SERPINB11: variants seen among roughly 807,000 people sequenced by gnomAD.
SERPINB11 encodes the protein serpin family B member 11, also known as serpin B11.
Under a neutral mutation model 36.7 loss-of-function variants are expected in SERPINB11, and 32 were observed. That is an observed-to-expected ratio of 0.87 (90% CI 0.66 to 1.17). SERPINB11 has a LOEUF of 1.17. Ranked by LOEUF, SERPINB11 falls within the 50% of genes most tolerant of loss-of-function variation. The pLI, the probability that SERPINB11 is intolerant of heterozygous loss-of-function variation, is 0.00. For synonymous variants in SERPINB11, 174 were observed against 168.1 expected (o/e 1.04, Z -0.27); for missense variants, 528 against 458.4 (o/e 1.15, Z -1.39).
At chr18:63,707,744 C>T (rs1914409025) in intron 1 of SERPINB11, among the ~76,000 whole-genome samples, 1 of 152,176 alleles carries the variant, frequency 6.6e-6, no homozygotes, top group African/African-American at 2.4e-5. Context: ...TCATTTCTTC[C>T]TTCTGCAAAC....
At chr18:63,707,616 T>C (rs554922166) in intron 1 of SERPINB11, among the ~76,000 whole-genome samples, 31 of 152,226 alleles carry the variant, frequency 2.0e-4, no homozygotes, top group Non-Finnish European at 3.7e-4. Context: ...AGCAGGGATA[T>C]TATCTCCTCC....
chr18:63,722,986 G>T lies in SERPINB11; in HGVS notation c.775-9G>T, dbSNP rs765161203. On this transcript the variant is annotated splice_polypyrimidine_tract_variant and intron_variant, in intron 7 of 7. Coordinates refer to ENST00000544088, the MANE Select transcript of SERPINB11 (RefSeq NM_001370475.1). ...ACTCATGTGGGCTTGTCTGTGTTTTGTCTCTTAGATAGAAAAGCAGCTGAA... is the reference window on the plus strand; with the variant it reads ...ACTCATGTGGGCTTGTCTGTGTTTTTTCTCTTAGATAGAAAAGCAGCTGAA... 7.1e-5 allele frequency: 110 copies of T among 1,550,806 alleles called. No individual in the cohort carries two copies. Among genetic ancestry groups the T allele is most frequent in the Middle Eastern group, 3.5e-4 (2 of 5,776 alleles).
At chr18:63,722,906 C>G (rs1170356774) in intron 7 of SERPINB11, 89 bp from the exon 8 acceptor site, 2 of 1,339,760 alleles carry the variant, frequency 1.5e-6, no homozygotes, top group Non-Finnish European at 2.0e-6. Flanking sequence ...AGTTGAACCA[C>G]TCACACTGAG....
chr18:63,714,708 C>T (rs1433523704), intron 4 of SERPINB11, among the ~76,000 whole-genome samples: 3 of 152,156 alleles, frequency 2.0e-5, no homozygotes, highest in African/African-American at 7.2e-5. Context: ...CCCTAGTTCC[C>T]TGAACATCGC....
At position 63,710,334 on chromosome 18, in the gene SERPINB11, G is replaced by C; in HGVS notation, c.141G>C (p.Arg47Ser). The change falls in exon 2 of 8, where the codon AGG (arginine) becomes AGC (serine). Residue 47 changes from arginine to serine, a missense_variant. Coordinates refer to ENST00000544088, the MANE Select transcript of SERPINB11 (RefSeq NM_001370475.1). The stretch of plus-strand genomic sequence containing the variant: ...TAAGCATGGTCCTCCTTGGTGCCAG[G>C]GGAGAGACTGAAGAGCAATTGGAGA... ...YALSMVLLGARGETEEQLEKV... is the reference protein window; with the variant it reads ...YALSMVLLGASGETEEQLEKV... 6.2e-7 allele frequency: 1 copy of C among 1,613,092 alleles called. No homozygotes were observed. Among genetic ancestry groups the C allele is most frequent in the Non-Finnish European group, 8.5e-7 (1 of 1,179,438 alleles).
intron 6 of SERPINB11, chr18:63,720,358 G>T: frequency 5.5e-6 from 3 of 542,054 alleles, no homozygotes; most frequent in Non-Finnish European, 6.4e-6. Context: ...TGGAGACTTG[G>T]GATACTAAGA....
At position 63,720,946 on chromosome 18, in the gene SERPINB11, T is replaced by C; in HGVS notation, c.734T>C (p.Met245Thr). The change falls in exon 7 of 8, where the codon ATG (methionine) becomes ACG (threonine). Residue 245 changes from methionine (M) to threonine (T), a missense_variant. Physicochemically the swap from Met to Thr is moderately conservative, Grantham distance 81. Transcript: ENST00000544088. ...ELPYVNNKLS[M>T]IILLPVGIAN... ...CCCTACGTTAACAACAAATTAAGCA[T>C]GATTATTCTGCTTCCAGTAGGCATA... The C allele has an allele frequency of 1.2e-6, 2 of 1,609,992 alleles. No individual in the cohort carries two copies. The highest frequency in any genetic ancestry group is 1.7e-6 in the Non-Finnish European group (2 of 1,178,408).
At chr18:63,711,302 G>C in intron 2 of SERPINB11, 33 bp from the exon 3 acceptor site, 2 of 1,487,382 alleles carry the variant, frequency 1.3e-6, no homozygotes, top group Non-Finnish European at 1.9e-6. Context: ...CATTGCTTCT[G>C]ATGCCAAAAG....
chr18:63,706,301 T>C (rs981016856), intron 1 of SERPINB11, among the ~76,000 whole-genome samples: 1 of 152,174 alleles, frequency 6.6e-6, no homozygotes, highest in African/African-American at 2.4e-5. Flanking sequence ...CTCTGCCTGA[T>C]AAAAGATTAA....
rs963138469 is a variant in SERPINB11, at chr18:63,711,131, G to A, written c.169-204G>A. ...TATAGTTTCCCTAACATAAAATGAGGGTAATAGTATCTACTCATAAAGTTG... is the reference window on the plus strand; with the variant it reads ...TATAGTTTCCCTAACATAAAATGAGAGTAATAGTATCTACTCATAAAGTTG... On this transcript the variant is annotated intron_variant, in intron 2 of 7. Coordinates refer to ENST00000544088, the MANE Select transcript of SERPINB11 (RefSeq NM_001370475.1). Among the ~76,000 whole-genome samples the A allele has an allele frequency of 1.3e-5, 2 of 152,148 alleles. 1 individual carries two copies. Among genetic ancestry groups the A allele is most frequent in the Middle Eastern group, 6.8e-3 (2 of 294 alleles).
rs754809173 is a variant in SERPINB11, at chr18:63,711,317, C to T, written c.169-18C>T. ...CATTGCTTCTGATGCCAAAAGATCC[C>T]TTTTTTTTCTTTTCTAGGTGCTTCA... On this transcript the variant is annotated intron_variant, in intron 2 of 7. Coordinates refer to ENST00000544088, the MANE Select transcript of SERPINB11 (RefSeq NM_001370475.1). 7.6e-6 allele frequency: 12 copies of T among 1,585,218 alleles called. No homozygotes were observed. In the East Asian group the frequency reaches 1.3e-4, roughly 18 times the overall value.
At chr18:63,719,957 C>A in intron 5 of SERPINB11, 56 bp from the exon 6 acceptor site, 1 of 1,419,700 alleles carries the variant, frequency 7.0e-7, no homozygotes, top group Admixed American at 2.2e-5. Context: ...TGACTCTTCA[C>A]CTCTCTATTA....
chr18:63,712,751 C>T, intron 4 of SERPINB11, 58 bp downstream of exon 4: 1 of 1,564,228 alleles, frequency 6.4e-7, no homozygotes, highest in Non-Finnish European at 8.8e-7. Context: ...AATTTCATAC[C>T]CCAAAATTGA....
At chr18:63,714,779 A>G (rs1914624048) in intron 4 of SERPINB11, among the ~76,000 whole-genome samples, 1 of 152,168 alleles carries the variant, frequency 6.6e-6, no homozygotes, top group Non-Finnish European at 1.5e-5. Flanking sequence ...CACATGCTTT[A>G]CGAACAATTT....
Position 63,720,930 on chromosome 18 carries a change from A to G in SERPINB11, c.718A>G (p.Asn240Asp). 11 of 1,609,044 alleles carry G rather than the reference A, an allele frequency of 6.8e-6. No homozygotes were observed. Among genetic ancestry groups the G allele is most frequent in the Non-Finnish European group, 9.3e-6 (11 of 1,177,864 alleles). Residue 240 changes from asparagine (N) to aspartate (D), a missense_variant, in exon 7 of 8, where the codon AAC (asparagine) becomes GAC (aspartate). Physicochemically the swap from Asn to Asp is conservative, Grantham distance 23. Transcript: ENST00000544088. ...QMQVLELPYV[N>D]NKLSMIILLP... The stretch of plus-strand genomic sequence containing the variant: ...GCAAGTTCTTGAGCTGCCCTACGTT[A>G]ACAACAAATTAAGCATGATTATTCT...
chr18:63,712,496 T>G (rs1404386375), intron 3 of SERPINB11, 69 bp from the exon 4 acceptor site: 1 of 1,545,396 alleles, frequency 6.5e-7, no homozygotes, highest in South Asian at 1.1e-5. Context: ...GCTCTCTAGA[T>G]AGTTATCATT....
chr18:63,709,953 C>A (rs770662589), intron 1 of SERPINB11, among the ~76,000 whole-genome samples: 1 of 152,122 alleles, frequency 6.6e-6, no homozygotes, highest in Admixed American at 6.5e-5. Context: ...TAGATTTTAA[C>A]CATTGGCTGA....
chr18:63,709,650 A>AAAATAAAAT (rs1568183583), intron 1 of SERPINB11, among the ~76,000 whole-genome samples: 32 of 81,092 alleles, frequency 3.9e-4, no homozygotes, highest in African/African-American at 1.8e-3. Context: ...TAAAATAAAA[A>AAAATAAAAT]GTAAAATAAA....
At chr18:63,713,622 G>C (rs2144539899) in intron 4 of SERPINB11, among the ~76,000 whole-genome samples, 1 of 152,282 alleles carries the variant, frequency 6.6e-6, no homozygotes, top group Non-Finnish European at 1.5e-5. Flanking sequence ...TTGCAACTTG[G>C]GGTAGGTATT....
Sources: gnomAD v4.1 joint callset for allele counts (sites outside exome capture counted in the v4.1 genomes callset) on GRCh38, gnomAD v4.1.1 for gene constraint, MANE v1.5 for transcripts, NCBI Gene and HGNC (gene_info 2026-07-23, HGNC 2026-07-21) for gene names.